B3GLCT: variants seen among roughly 807,000 people sequenced by gnomAD.
B3GLCT encodes beta-1,3-glucosyltransferase.
A neutral mutation model predicts 63.4 loss-of-function variants in B3GLCT; 65 were observed. The ratio of observed to expected loss-of-function variants is 1.03; its 90% CI spans 0.84 to 1.26. The LOEUF (loss-of-function observed/expected upper bound fraction) is 1.26, where lower values mean the gene tolerates loss of function less well. Among genes scored for constraint, B3GLCT ranks in the 50% most tolerant of loss-of-function variants. B3GLCT has a pLI of 0.00. For missense variants in B3GLCT, 577 were observed against 604.8 expected (o/e 0.95, Z 0.48); for synonymous variants, 233 against 219.2 (o/e 1.06, Z -0.55).
intron 4 of B3GLCT, among the ~76,000 whole-genome samples, chr13:31,231,457 A>G (rs1182685733): frequency 1.3e-5 from 2 of 152,204 alleles, no homozygotes; most frequent in Admixed American, 6.5e-5. Flanking sequence ...CATTTAATCC[A>G]TACCAGTGGT....
intron 1 of B3GLCT, among the ~76,000 whole-genome samples, chr13:31,201,550 C>T (rs1868668051): frequency 6.6e-6 from 1 of 152,092 alleles, no homozygotes; most frequent in African/African-American, 2.4e-5. Context: ...TTTGGGAAAG[C>T]GACTGGGTGA....
intron 5 of B3GLCT, 47 bp downstream of exon 5, chr13:31,247,146 A>G (rs1320501119): frequency 5.0e-6 from 7 of 1,407,156 alleles, no homozygotes; most frequent in Non-Finnish European, 7.1e-6. Flanking sequence ...TCCTACCTGA[A>G]CACTTTTACG....
chr13:31,260,878 AC>A, intron 6 of B3GLCT, 67 bp from the exon 7 acceptor site: 1 of 1,432,962 alleles, frequency 7.0e-7, no homozygotes, highest in Non-Finnish European at 9.8e-7. Flanking sequence ...AACCAATAGT[AC>A]CACCTTCTAT....
rs541024353 is a variant in B3GLCT at position 31,266,481 on chromosome 13, AC to A, written c.597-2731del. On this transcript the variant is annotated intron_variant, in intron 7 of 14. Coordinates refer to ENST00000343307, the MANE Select transcript of B3GLCT (RefSeq NM_194318.4). ...GGTTACTGAAACTAGCATTGGAAAAACCTGTTATCTTGCTTGGTGTATAGAA... is the reference window on the plus strand; with the variant it reads ...GGTTACTGAAACTAGCATTGGAAAAACTGTTATCTTGCTTGGTGTATAGAA... Among the ~76,000 whole-genome samples the A allele has an allele frequency of 5.3e-5, 8 of 152,260 alleles. No homozygotes were observed. In the East Asian group the frequency reaches 9.6e-4, roughly 18 times the overall value.
At chr13:31,219,437 G>T (rs1869713511) in intron 2 of B3GLCT, among the ~76,000 whole-genome samples, 1 of 152,114 alleles carries the variant, frequency 6.6e-6, no homozygotes, top group Non-Finnish European at 1.5e-5. Context: ...GTGTGTATTT[G>T]GCAATAATGA....
chr13:31,280,730 CAAT>C (rs1204909711), intron 10 of B3GLCT, among the ~76,000 whole-genome samples: 1 of 152,174 alleles, frequency 6.6e-6, no homozygotes, highest in Non-Finnish European at 1.5e-5. Context: ...CTTGGCTTAA[CAAT>C]AACACATTTA....
At chr13:31,287,624 A>G (rs1337256930) in intron 12 of B3GLCT, among the ~76,000 whole-genome samples, 1 of 152,234 alleles carries the variant, frequency 6.6e-6, no homozygotes, top group East Asian at 1.9e-4. Context: ...CTGCCATCCA[A>G]TCAAAAGTTG....
rs9542305 is a variant in B3GLCT at position 31,247,040 on chromosome 13, C to T, written c.288C>T (p.Leu96=). 7.1e-4 allele frequency: 1,151 copies of T among 1,611,626 alleles called. No homozygotes were observed. The highest frequency in any genetic ancestry group is 9.1e-4 in the Non-Finnish European group (1,070 of 1,179,508). The part of the protein sequence containing the change: ...ADLTQELPSV[L]LLHQLAKQEG... ...TTTCTCAGGAGCTCCCCAGTGTCCT[C>T]CTCCTTCATCAGCTGGCTAAACAAG... Residue 96 remains leucine (L), a synonymous_variant, in exon 5 of 15, where the codon CTC becomes CTT. Transcript: ENST00000343307.
chr13:31,285,935 A>C (rs1305961194), intron 11 of B3GLCT, among the ~76,000 whole-genome samples: 1 of 152,206 alleles, frequency 6.6e-6, no homozygotes, highest in Admixed American at 6.5e-5. Flanking sequence ...GCTTTGAAAC[A>C]CGTATTGTAA....
intron 2 of B3GLCT, among the ~76,000 whole-genome samples, chr13:31,216,118 T>C (rs1869548218): frequency 7.0e-6 from 1 of 142,506 alleles, no homozygotes; most frequent in Admixed American, 7.4e-5. Flanking sequence ...CCACAATTGG[T>C]GTAAAAGCAT....
intron 4 of B3GLCT, among the ~76,000 whole-genome samples, chr13:31,237,124 T>TG (rs1870691618): frequency 1.9e-4 from 14 of 72,014 alleles, no homozygotes; most frequent in African/African-American, 5.4e-4. Flanking sequence ...AGACTCCATC[T>TG]CAAAAAAAAA....
rs985322550 is a variant in B3GLCT at position 31,329,446 on chromosome 13, G to A, written c.1330-55G>A. 10 of 1,601,566 alleles carry A rather than the reference G, an allele frequency of 6.2e-6. No individual in the cohort carries two copies. The South Asian group carries it at 9.9e-5, about 16-fold the overall frequency. ...ACTTTATAAATTCAAATGCTCTTCT[G>A]CAGCAAAATTATATTCAATCAACAA... On this transcript the variant is annotated intron_variant, in intron 14 of 14. Transcript: ENST00000343307.
chr13:31,290,642 G>C (rs1243199841), intron 12 of B3GLCT, among the ~76,000 whole-genome samples: 1 of 152,122 alleles, frequency 6.6e-6, no homozygotes, highest in Admixed American at 6.5e-5. Flanking sequence ...ATGTTTGTTG[G>C]CCACATAAAT....
chr13:31,224,616 A>C (rs1352912114), intron 3 of B3GLCT, among the ~76,000 whole-genome samples: 2 of 152,006 alleles, frequency 1.3e-5, no homozygotes, highest in African/African-American at 4.8e-5. Flanking sequence ...GATAGCCTCC[A>C]TGCACGGGAT....
At chr13:31,321,580 G>A (rs1034253022) in intron 13 of B3GLCT, among the ~76,000 whole-genome samples, 1 of 152,206 alleles carries the variant, frequency 6.6e-6, no homozygotes, top group African/African-American at 2.4e-5. Context: ...GTTGCAATGT[G>A]AAATTAATTT....
At chr13:31,208,941 C>T (rs965039510) in intron 1 of B3GLCT, among the ~76,000 whole-genome samples, 1 of 152,066 alleles carries the variant, frequency 6.6e-6, no homozygotes, top group Non-Finnish European at 1.5e-5. Context: ...ACCCCCTCCT[C>T]AGAGGGGTCC....
intron 7 of B3GLCT, among the ~76,000 whole-genome samples, chr13:31,268,116 G>A (rs554618402): frequency 6.6e-6 from 1 of 152,108 alleles, no homozygotes; most frequent in South Asian, 2.1e-4. Flanking sequence ...AAAGTGCTGG[G>A]ATTATAGACA....
At chr13:31,253,163 A>G (rs1252984521) in intron 6 of B3GLCT, among the ~76,000 whole-genome samples, 5 of 152,318 alleles carry the variant, frequency 3.3e-5, no homozygotes, top group Middle Eastern at 3.4e-3. Context: ...TTTGAAACCA[A>G]TGAGAACAAA....
At chr13:31,316,947 G>A (rs1196900099) in intron 12 of B3GLCT, among the ~76,000 whole-genome samples, 11 of 152,134 alleles carry the variant, frequency 7.2e-5, no homozygotes, top group South Asian at 2.1e-4. Flanking sequence ...GGGCCAAAAG[G>A]TATTCAAAAG....
Sources: allele counts gnomAD v4.1 joint callset (sites outside exome capture counted in the v4.1 genomes callset), GRCh38; gene constraint gnomAD v4.1.1; transcripts MANE v1.5; gene names NCBI Gene and HGNC (gene_info 2026-07-23, HGNC 2026-07-21).